Variants in ADCY8 observed in about 807,000 individuals in gnomAD.
The protein encoded by ADCY8 is adenylate cyclase type 8.
ADCY8 carries 51 observed loss-of-function variants against 119.7 expected under a neutral mutation model. That is an observed-to-expected ratio of 0.43 (90% CI 0.34 to 0.54). The LOEUF is 0.54. Ranked by LOEUF, ADCY8 falls within the 20% of genes least tolerant of loss-of-function variation. ADCY8 has a pLI of 0.03. For synonymous variants in ADCY8, 665 were observed against 651.0 expected, an observed-to-expected ratio of 1.02 and a Z score of -0.33; for missense variants, 1,383 against 1,598.8, an observed-to-expected ratio of 0.87 and a Z score of 2.30.
chr8:130,881,615 G>A (rs572950393), intron 8 of ADCY8, among the ~76,000 whole-genome samples: 4 of 152,016 alleles, frequency 2.6e-5, no homozygotes, highest in Admixed American at 1.3e-4. Context: ...AAGAGAAAAG[G>A]CTTTAGAATC....
At chr8:130,781,035 T>TG (rs1815063950) in intron 17 of ADCY8, among the ~76,000 whole-genome samples, 158 bp from the exon 18 acceptor site, 1 of 152,160 alleles carries the variant, frequency 6.6e-6, no homozygotes, top group Non-Finnish European at 1.5e-5. Flanking sequence ...ATGTATCACC[T>TG]GGGTCAGTTA....
At chr8:131,021,973 G>C (rs1823683700) in intron 1 of ADCY8, among the ~76,000 whole-genome samples, 2 of 152,170 alleles carry the variant, frequency 1.3e-5, no homozygotes, top group Non-Finnish European at 2.9e-5. Flanking sequence ...GGGCAACTAA[G>C]TTTGGATTAC....
At chr8:131,034,219 T>G (rs1384300860) in intron 1 of ADCY8, among the ~76,000 whole-genome samples, 1 of 152,134 alleles carries the variant, frequency 6.6e-6, no homozygotes, top group Admixed American at 6.5e-5. Context: ...TTTATTTGAT[T>G]TGAGATAGCT....
intron 5 of ADCY8, among the ~76,000 whole-genome samples, chr8:130,936,387 T>G (rs1175638463): frequency 6.6e-6 from 1 of 152,198 alleles, no homozygotes; most frequent in African/African-American, 2.4e-5. Context: ...AGTAATTTCC[T>G]ATTGGCCATA....
intron 1 of ADCY8, among the ~76,000 whole-genome samples, chr8:131,012,486 ACAGCTCT>A (rs1361843290): frequency 2.6e-5 from 4 of 152,228 alleles, no homozygotes; most frequent in African/African-American, 9.6e-5. Flanking sequence ...TCATAGAGGA[ACAGCTCT>A]CAGAAACAGT....
At chr8:130,996,680 A>C (rs1191502409) in intron 1 of ADCY8, among the ~76,000 whole-genome samples, 2 of 152,154 alleles carry the variant, frequency 1.3e-5, no homozygotes, top group Non-Finnish European at 2.9e-5. Flanking sequence ...TGCAAAAATA[A>C]ATGCCAATGG....
intron 12 of ADCY8, among the ~76,000 whole-genome samples, chr8:130,828,880 G>T (rs902447704): frequency 1.3e-5 from 2 of 152,150 alleles, no homozygotes; most frequent in African/African-American, 4.8e-5. Flanking sequence ...TTTAGCACAG[G>T]TGATAATGGC....
At chr8:130,837,603 C>A (rs138324694) in intron 11 of ADCY8, among the ~76,000 whole-genome samples, 99 of 152,322 alleles carry the variant, frequency 6.5e-4, no homozygotes, top group African/African-American at 2.3e-3. Flanking sequence ...CAGTCTACCC[C>A]ACCAGATTTC....
chr8:131,025,783 C>G (rs1439939725), intron 1 of ADCY8, among the ~76,000 whole-genome samples: 3 of 152,184 alleles, frequency 2.0e-5, no homozygotes, highest in African/African-American at 7.2e-5. Flanking sequence ...CAGGGTCAGC[C>G]CCTGAGAACA....
chr8:131,027,261 G>A (rs549936627), intron 1 of ADCY8, among the ~76,000 whole-genome samples: 7 of 152,270 alleles, frequency 4.6e-5, no homozygotes, highest in Non-Finnish European at 7.3e-5. Context: ...TACTTGTCCC[G>A]GAGAAGGGGT....
chr8:130,798,694 C>T (rs932041480), intron 15 of ADCY8, among the ~76,000 whole-genome samples: 3 of 152,006 alleles, frequency 2.0e-5, no homozygotes, highest in Admixed American at 6.6e-5. Context: ...CTGCAGTTGT[C>T]TAGGAGAGAA....
At chr8:131,022,764 T>A (rs1232030246) in intron 1 of ADCY8, among the ~76,000 whole-genome samples, 1 of 152,196 alleles carries the variant, frequency 6.6e-6, no homozygotes, top group Non-Finnish European at 1.5e-5. Context: ...GCAGTCCATG[T>A]AACAACAGAT....
At chr8:130,835,288 G>A (rs563840454) in intron 12 of ADCY8, among the ~76,000 whole-genome samples, 1 of 152,292 alleles carries the variant, frequency 6.6e-6, no homozygotes, top group East Asian at 1.9e-4. Context: ...GGGAACTCTT[G>A]CCAATGGGAG....
chr8:130,815,752 C>T (rs1816316454), intron 13 of ADCY8, among the ~76,000 whole-genome samples: 1 of 152,214 alleles, frequency 6.6e-6, no homozygotes, highest in Non-Finnish European at 1.5e-5. Flanking sequence ...CACATTTACA[C>T]ACTTTAACCC....
chr8:130,803,805 C>G (rs957130940), intron 14 of ADCY8, among the ~76,000 whole-genome samples: 3 of 152,180 alleles, frequency 2.0e-5, no homozygotes, highest in Non-Finnish European at 4.4e-5. Context: ...CATGCATGCC[C>G]TAGGTCAGAG....
At chr8:130,961,497 A>G (rs545315543) in intron 2 of ADCY8, among the ~76,000 whole-genome samples, 5 of 151,972 alleles carry the variant, frequency 3.3e-5, no homozygotes, top group African/African-American at 1.2e-4. Context: ...ATCTCTCCCC[A>G]GTTGTTCACA....
At chr8:131,017,346 A>T (rs1290822041) in intron 1 of ADCY8, among the ~76,000 whole-genome samples, 1 of 152,164 alleles carries the variant, frequency 6.6e-6, no homozygotes, top group Non-Finnish European at 1.5e-5. Context: ...CTGGGATGAC[A>T]GGCATGAGCC....
chr8:130,857,451 C>A (rs1475510679), intron 9 of ADCY8, among the ~76,000 whole-genome samples: 1 of 151,934 alleles, frequency 6.6e-6, no homozygotes, highest in Non-Finnish European at 1.5e-5. Context: ...TCTCTTTATC[C>A]TTTTATCTTC....
chr8:131,005,785 C>G (rs1823097629), intron 1 of ADCY8, among the ~76,000 whole-genome samples: 1 of 152,158 alleles, frequency 6.6e-6, no homozygotes, highest in African/African-American at 2.4e-5. Context: ...CCATCCCTCC[C>G]CTTGCCCCTT....
Sources: allele counts gnomAD v4.1 joint callset (sites outside exome capture counted in the v4.1 genomes callset), GRCh38; gene constraint gnomAD v4.1.1; transcripts MANE v1.5; gene names NCBI Gene and HGNC (gene_info 2026-07-23, HGNC 2026-07-21).